Variants in UBL3 observed in about 807,000 individuals in gnomAD.
UBL3 encodes ubiquitin like 3.
A neutral mutation model predicts 18.4 loss-of-function variants in UBL3; 6 were observed. The observed-to-expected ratio is 0.33, with a 90% CI of 0.18 to 0.64. UBL3 has a LOEUF of 0.64. Among genes scored for constraint, UBL3 ranks in the 30% least tolerant of loss-of-function variants. The probability of loss-of-function intolerance (pLI) is 0.76; values close to 1 mark genes in which losing one functional copy is unlikely to be tolerated. For missense variants in UBL3, 109 were observed against 142.9 expected, an observed-to-expected ratio of 0.76 and a Z score of 1.21; for synonymous variants, 49 against 46.6, an observed-to-expected ratio of 1.05 and a Z score of -0.21.
chr13:29,805,092 TTTAA>T (rs1877867153), intron 1 of UBL3, among the ~76,000 whole-genome samples: 1 of 152,206 alleles, frequency 6.6e-6, no homozygotes, highest in Admixed American at 6.5e-5. Context: ...TTTGGGACCA[TTTAA>T]TTAAGCAAAG....
chr13:29,804,515 C>CAA (rs544363298), intron 1 of UBL3, among the ~76,000 whole-genome samples: 146 of 151,970 alleles, frequency 9.6e-4, no homozygotes, highest in Non-Finnish European at 1.9e-3. Flanking sequence ...AAAAACCATA[C>CAA]AAAAGATCAA....
chr13:29,848,880 T>G (rs751565938), intron 1 of UBL3, among the ~76,000 whole-genome samples: 4 of 152,260 alleles, frequency 2.6e-5, no homozygotes, highest in African/African-American at 9.6e-5. Context: ...AATCTACTAT[T>G]AATAAATATC....
chr13:29,796,251 T>C (rs1451821009), intron 1 of UBL3, among the ~76,000 whole-genome samples: 1 of 152,128 alleles, frequency 6.6e-6, no homozygotes, highest in Non-Finnish European at 1.5e-5. Context: ...TATTTTTTAA[T>C]TAATATTTGA....
At chr13:29,813,620 G>C (rs546681899) in intron 1 of UBL3, among the ~76,000 whole-genome samples, 1 of 152,164 alleles carries the variant, frequency 6.6e-6, no homozygotes, top group African/African-American at 2.4e-5. Flanking sequence ...AATTGTATTA[G>C]TTGTAAGTAA....
At position 29,780,367 on chromosome 13, in the gene UBL3, A is replaced by AAAAAAAAAT. The variant is rs1359464345; in HGVS notation, c.28-3105_28-3104insATTTTTTTT. Among the ~76,000 whole-genome samples, 204 of 103,236 alleles carry AAAAAAAAAT rather than the reference A, an allele frequency of 2.0e-3. 1 individual carries two copies. Among genetic ancestry groups the AAAAAAAAAT allele is most frequent in the South Asian group, 5.4e-3 (16 of 2,986 alleles). The allele number at this position is 103,236 out of a possible 152,430, so 67.7% of individuals were successfully genotyped here. ...AGACTCTGTCTCAAAAAAAAAAAAAAATATATATATATATATATATATATG... is the reference window on the plus strand; with the variant it reads ...AGACTCTGTCTCAAAAAAAAAAAAAAAAAAAAAATATATATATATATATATATATATATG... On this transcript the variant is annotated intron_variant, in intron 1 of 4. Transcript: ENST00000380680.
chr13:29,832,379 C>A (rs922731209), intron 1 of UBL3, among the ~76,000 whole-genome samples: 4 of 151,214 alleles, frequency 2.6e-5, no homozygotes, highest in Admixed American at 6.6e-5. Flanking sequence ...TTCGCCCAGG[C>A]CAGACTGCAG....
intron 1 of UBL3, among the ~76,000 whole-genome samples, chr13:29,846,108 A>G (rs1212825072): frequency 6.6e-6 from 1 of 152,122 alleles, no homozygotes; most frequent in Non-Finnish European, 1.5e-5. Context: ...AACATAAGTC[A>G]CACTGCAACT....
chr13:29,777,202 T>A lies in UBL3; in HGVS notation c.89A>T (p.Asp30Val), dbSNP rs1192833733. The change falls in exon 2 of 5, where the codon GAT (aspartate) becomes GTT (valine). Residue 30 changes from aspartate to valine, a missense_variant. Coordinates refer to ENST00000380680, the MANE Select transcript of UBL3 (RefSeq NM_007106.4). Reference sequence around the variant, plus strand: ...ATGCTTTGCAATGTCAGAAGCAGAATCGTTAGGAGAAAACAGGAACTCTTT... The same window carrying A: ...ATGCTTTGCAATGTCAGAAGCAGAAACGTTAGGAGAAAACAGGAACTCTTT... ...KTKEFLFSPNDSASDIAKHVY... is the reference protein window; with the variant it reads ...KTKEFLFSPNVSASDIAKHVY... 3.7e-6 allele frequency: 6 copies of A among 1,609,786 alleles called. No homozygotes were observed. Among genetic ancestry groups the A allele is most frequent in the Middle Eastern group, 1.7e-4 (1 of 6,040 alleles).
At chr13:29,782,690 G>T (rs1243155789) in intron 1 of UBL3, among the ~76,000 whole-genome samples, 1 of 152,078 alleles carries the variant, frequency 6.6e-6, no homozygotes, top group Non-Finnish European at 1.5e-5. Flanking sequence ...AGAACAAAAA[G>T]CAGGTTAAGA....
In UBL3 at chr13:29,782,720, G is replaced by A. The variant is rs1450212449; in HGVS notation, c.28-5457C>T. Among the ~76,000 whole-genome samples, 3 of 152,118 alleles carry A rather than the reference G, an allele frequency of 2.0e-5. No homozygotes were observed. The East Asian group carries it at 5.8e-4, about 29-fold the overall frequency. ...TTAAGATTTTAAAATCTTCTACTCA[G>A]AGGAAACCTAATCACCCTTCTGGGT... On this transcript the variant is annotated intron_variant, in intron 1 of 4. Transcript: ENST00000380680.
intron 1 of UBL3, among the ~76,000 whole-genome samples, chr13:29,796,323 T>C (rs1593659355): frequency 1.3e-5 from 2 of 152,258 alleles, no homozygotes; most frequent in South Asian, 4.2e-4. Context: ...TACCTTTAAG[T>C]TTTTACTTAA....
chr13:29,829,825 T>G (rs1205317099), intron 1 of UBL3, among the ~76,000 whole-genome samples: 4 of 152,254 alleles, frequency 2.6e-5, no homozygotes, highest in Non-Finnish European at 4.4e-5. Context: ...TCGGCCATCT[T>G]GGAACCACCC....
intron 1 of UBL3, 117 bp downstream of exon 1, chr13:29,849,395 A>G (rs1231801209): frequency 7.1e-7 from 1 of 1,410,642 alleles, no homozygotes; most frequent in African/African-American, 1.4e-5. Flanking sequence ...CAAATCGCTC[A>G]GCACAGTGGC....
chr13:29,789,192 C>A (rs1877421727), intron 1 of UBL3, among the ~76,000 whole-genome samples: 1 of 152,114 alleles, frequency 6.6e-6, no homozygotes, highest in Non-Finnish European at 1.5e-5. Context: ...AGCCACCACG[C>A]CCGGCGGGAA....
chr13:29,780,550 TTACTTGGATCTAAAAACA>T (rs1015977116), intron 1 of UBL3, among the ~76,000 whole-genome samples: 1 of 151,318 alleles, frequency 6.6e-6, no homozygotes, highest in African/African-American at 2.4e-5. Context: ...AAAAACTAAA[TTACTTGGATCTAAAAACA>T]TCTTGTTTAT....
rs184862441 is a variant in UBL3 at position 29,792,220 on chromosome 13, T to C, written c.28-14957A>G. On this transcript the variant is annotated intron_variant, in intron 1 of 4. Coordinates refer to ENST00000380680, the MANE Select transcript of UBL3 (RefSeq NM_007106.4). ...AATATTTCAAAGATATACATGTAAC[T>C]GGACACTTCGTGTATAACCACCAAG... Among the ~76,000 whole-genome samples, 6 of 152,320 alleles carry C rather than the reference T, an allele frequency of 3.9e-5. No individual in the cohort carries two copies. The East Asian group carries it at 1.2e-3, about 29-fold the overall frequency.
intron 1 of UBL3, among the ~76,000 whole-genome samples, chr13:29,817,982 T>C (rs1878327924): frequency 6.6e-6 from 1 of 152,244 alleles, no homozygotes; most frequent in Non-Finnish European, 1.5e-5. Flanking sequence ...TTTTAAAATC[T>C]GACATAGCTC....
At chr13:29,791,408 T>C (rs1006236850) in intron 1 of UBL3, among the ~76,000 whole-genome samples, 2 of 152,232 alleles carry the variant, frequency 1.3e-5, no homozygotes, top group African/African-American at 4.8e-5. Flanking sequence ...GGTACTGTTA[T>C]CTCCGTTTTA....
chr13:29,807,929 T>C (rs891746034), intron 1 of UBL3, among the ~76,000 whole-genome samples: 13 of 152,330 alleles, frequency 8.5e-5, no homozygotes, highest in South Asian at 4.1e-4. Flanking sequence ...TGTCTATTGC[T>C]ACTTAATGGT....
Sources: allele counts gnomAD v4.1 joint callset (sites outside exome capture counted in the v4.1 genomes callset), GRCh38; gene constraint gnomAD v4.1.1; transcripts MANE v1.5; gene names NCBI Gene and HGNC (gene_info 2026-07-23, HGNC 2026-07-21).